Variants in MCPH1 observed in about 807,000 individuals in gnomAD.
MCPH1 encodes microcephalin 1.
Under a neutral mutation model 84.5 loss-of-function variants are expected in MCPH1, and 104 were observed. That is an observed-to-expected ratio of 1.23 (90% CI 1.05 to 1.45). The LOEUF is 1.45. Among genes scored for constraint, MCPH1 ranks in the 40% most tolerant of loss-of-function variants. The pLI, the probability that MCPH1 is intolerant of heterozygous loss-of-function variation, is 0.00. For synonymous variants in MCPH1, 514 were observed against 366.8 expected (o/e 1.40, Z -4.58); for missense variants, 1,498 against 1,005.7 (o/e 1.49, Z -6.62).
intron 12 of MCPH1, among the ~76,000 whole-genome samples, chr8:6,522,472 TGAAACTTAGG>T (rs1477388945): frequency 6.6e-6 from 1 of 151,834 alleles, no homozygotes; most frequent in Non-Finnish European, 1.5e-5. Context: ...ATGAGGAAAT[TGAAACTTAGG>T]GACATTGAGG....
intron 12 of MCPH1, among the ~76,000 whole-genome samples, chr8:6,551,264 T>G (rs749036613): frequency 1.8e-4 from 28 of 152,178 alleles, no homozygotes; most frequent in Non-Finnish European, 2.9e-4. Flanking sequence ...AGAGACTGTT[T>G]ATTTTAGTGG....
intron 12 of MCPH1, among the ~76,000 whole-genome samples, chr8:6,617,639 T>A (rs139885356): frequency 2.0e-5 from 3 of 151,916 alleles, no homozygotes; most frequent in East Asian, 3.9e-4. Context: ...GTGTAAAGGT[T>A]TGCAATGAAA....
At chr8:6,527,675 A>G in intron 12 of MCPH1, 1 of 1,603,078 alleles carries the variant, frequency 6.2e-7, no homozygotes, top group Non-Finnish European at 8.5e-7. Flanking sequence ...CTGATTTAAT[A>G]CCTAAATGTA....
intron 12 of MCPH1, chr8:6,509,186 G>C: frequency 8.1e-7 from 1 of 1,234,148 alleles, no homozygotes; most frequent in Non-Finnish European, 1.1e-6. Flanking sequence ...ATGGACTAAT[G>C]CATACTCTGG....
At chr8:6,627,887 G>C (rs541854288) in intron 13 of MCPH1, among the ~76,000 whole-genome samples, 1 of 151,184 alleles carries the variant, frequency 6.6e-6, no homozygotes, top group East Asian at 2.0e-4. Context: ...GTGAGAACCT[G>C]TCTAAAAATA....
chr8:6,631,455 C>T (rs1454668001), intron 13 of MCPH1, among the ~76,000 whole-genome samples: 1 of 139,832 alleles, frequency 7.2e-6, no homozygotes, highest in African/African-American at 2.8e-5. Context: ...TAAAGAACTC[C>T]TGCAACTCAA....
At chr8:6,540,138 C>T (rs908450796) in intron 12 of MCPH1, among the ~76,000 whole-genome samples, 6 of 152,132 alleles carry the variant, frequency 3.9e-5, no homozygotes, top group African/African-American at 7.2e-5. Context: ...AAATCCTATC[C>T]GCTTTGCTCT....
intron 8 of MCPH1, among the ~76,000 whole-genome samples, chr8:6,447,614 A>G (rs1804588331): frequency 6.6e-6 from 1 of 152,138 alleles, no homozygotes; most frequent in Non-Finnish European, 1.5e-5. Flanking sequence ...GCAGTGGCAC[A>G]ATCTCAGCTC....
intron 12 of MCPH1, chr8:6,521,388 C>T (rs781209200): frequency 6.2e-7 from 1 of 1,611,022 alleles, no homozygotes; most frequent in Admixed American, 1.7e-5. Context: ...TCTTCCATAG[C>T]TAGCACCTTC....
chr8:6,492,093 G>A (rs142193540), intron 11 of MCPH1, among the ~76,000 whole-genome samples: 15,814 of 152,170 alleles, frequency 0.1, 2,133 homozygotes, highest in African/African-American at 0.32. Flanking sequence ...AGTCCCACTA[G>A]CAATGTAAAA....
intron 12 of MCPH1, among the ~76,000 whole-genome samples, chr8:6,515,403 G>A (rs906058897): frequency 1.9e-4 from 29 of 152,242 alleles, no homozygotes; most frequent in African/African-American, 6.3e-4. Context: ...GTGTGACCTG[G>A]GCTTGGCTTA....
intron 12 of MCPH1, among the ~76,000 whole-genome samples, chr8:6,506,469 T>G (rs1813751232): frequency 6.6e-6 from 1 of 152,194 alleles, no homozygotes; most frequent in Non-Finnish European, 1.5e-5. Flanking sequence ...AATGCAATTC[T>G]CCTACTCTCC....
chr8:6,425,413 A>T (rs925217514), intron 3 of MCPH1, among the ~76,000 whole-genome samples: 1 of 152,214 alleles, frequency 6.6e-6, no homozygotes, highest in African/African-American at 2.4e-5. Context: ...GTTTCAGTGT[A>T]GCAGCTTTAA....
intron 12 of MCPH1, among the ~76,000 whole-genome samples, chr8:6,514,483 C>T (rs1468527120): frequency 6.6e-6 from 1 of 152,240 alleles, no homozygotes; most frequent in African/African-American, 2.4e-5. Context: ...GCCAGCACGT[C>T]TGGCTGCAGC....
chr8:6,501,553 C>CT (rs761570329), intron 12 of MCPH1: 4,238 of 128,006 alleles, frequency 0.033, 116 homozygotes, highest in African/African-American at 0.045. Context: ...TCTTTTCTTT[C>CT]TTTTTTTTTT....
At chr8:6,636,015 A>G (rs1443733713) in intron 13 of MCPH1, among the ~76,000 whole-genome samples, 1 of 152,200 alleles carries the variant, frequency 6.6e-6, no homozygotes, top group Non-Finnish European at 1.5e-5. Flanking sequence ...AATAAGTGTA[A>G]GGAAATGACT....
intron 12 of MCPH1, chr8:6,509,077 A>G: frequency 6.2e-7 from 1 of 1,611,236 alleles, no homozygotes; most frequent in Non-Finnish European, 8.5e-7. Flanking sequence ...AAGCGTGCAA[A>G]GAAAAAAAAC....
At chr8:6,455,547 C>T (rs1805583510) in intron 9 of MCPH1, among the ~76,000 whole-genome samples, 1 of 152,114 alleles carries the variant, frequency 6.6e-6, no homozygotes, top group Non-Finnish European at 1.5e-5. Context: ...GTGTTTCTTG[C>T]CATTTTATAA....
intron 7 of MCPH1, among the ~76,000 whole-genome samples, chr8:6,442,619 G>A (rs555297663): frequency 6.6e-6 from 1 of 152,314 alleles, no homozygotes; most frequent in South Asian, 2.1e-4. Flanking sequence ...AGGAATTAGT[G>A]CAGTTAGTTC....
Sources: gnomAD v4.1 joint callset for allele counts (sites outside exome capture counted in the v4.1 genomes callset) on GRCh38, gnomAD v4.1.1 for gene constraint, MANE v1.5 for transcripts, NCBI Gene and HGNC (gene_info 2026-07-23, HGNC 2026-07-21) for gene names.